MBNL2: variants seen among roughly 807,000 people sequenced by gnomAD.
MBNL2 encodes the protein muscleblind like splicing regulator 2, also known as muscleblind-like protein 2.
A neutral mutation model predicts 41.9 loss-of-function variants in MBNL2; 17 were observed. The observed-to-expected ratio is 0.41, with a 90% CI of 0.28 to 0.61. The LOEUF is 0.61. Among genes scored for constraint, MBNL2 ranks in the 20% least tolerant of loss-of-function variants. MBNL2 has a pLI of 0.35. For missense variants in MBNL2, 336 were observed against 505.6 expected (o/e 0.66, Z 3.22); for synonymous variants, 195 against 182.9 (o/e 1.07, Z -0.53).
chr13:97,219,090 G>GCTCTAACC (rs2040650574), upstream of MBNL2, among the ~76,000 whole-genome samples: 1 of 152,182 alleles, frequency 6.6e-6, no homozygotes, highest in African/African-American at 2.4e-5. Context: ...AGTGTCACCT[G>GCTCTAACC]GGAGCTTGTT....
chr13:97,263,079 G>A lies in MBNL2; in HGVS notation c.-604-12553G>A, dbSNP rs952907148. On this transcript the variant is annotated intron_variant, in intron 1 of 8. Transcript: ENST00000679496. ...TGGGATTACAGGCTTGAGCTGCCAC[G>A]CTCGACCTTGAAGTCCGTTTTGATC... 6.6e-5 allele frequency among the ~76,000 whole-genome samples: 10 copies of A among 152,000 alleles called. No individual in the cohort carries two copies. The East Asian group carries it at 1.3e-3, about 21-fold the overall frequency.
intron 2 of MBNL2, among the ~76,000 whole-genome samples, chr13:97,295,581 G>T (rs1421525393): frequency 6.6e-6 from 1 of 152,108 alleles, no homozygotes; most frequent in Non-Finnish European, 1.5e-5. Flanking sequence ...CATATCAAAA[G>T]GGTGTTGAGC....
chr13:97,319,224 C>T (rs1268982491), intron 2 of MBNL2, among the ~76,000 whole-genome samples: 7 of 148,778 alleles, frequency 4.7e-5, no homozygotes, highest in East Asian at 4.1e-4. Context: ...GGACACCCGG[C>T]GGGTGTTAGG....
intron 2 of MBNL2, among the ~76,000 whole-genome samples, chr13:97,285,376 C>T (rs2054219906): frequency 6.6e-6 from 1 of 152,190 alleles, no homozygotes; most frequent in South Asian, 2.1e-4. Context: ...ACTCAGCTCT[C>T]TGTGTTGGAG....
the MBNL2 span, among the ~76,000 whole-genome samples, chr13:97,168,776 T>C: frequency 6.6e-6 from 1 of 152,246 alleles, no homozygotes; most frequent in African/African-American, 2.4e-5. Flanking sequence ...GCAGTGTTTT[T>C]TCAAGGACTG....
chr13:97,298,139 G>T (rs916649309), intron 2 of MBNL2, among the ~76,000 whole-genome samples: 3 of 151,386 alleles, frequency 2.0e-5, no homozygotes, highest in Admixed American at 2.0e-4. Context: ...TAACTAACCT[G>T]CACATTGTGC....
At position 97,375,852 on chromosome 13, in the gene MBNL2, AAAG is replaced by A. The variant is rs2064916443; in HGVS notation, c.1048+10686_1048+10688del. On this transcript the variant is annotated intron_variant, in intron 8 of 8. Transcript: ENST00000679496. ...GAACAGCTGTGATTGTGTCAGATCT[AAAG>A]AAGAGGGGACACTGTGGCTTATGTG... 2.6e-5 allele frequency among the ~76,000 whole-genome samples: 4 copies of A among 152,168 alleles called. No individual in the cohort carries two copies. In the South Asian group the frequency reaches 8.3e-4, roughly 32 times the overall value.
chr13:97,176,527 C>T, the MBNL2 span, among the ~76,000 whole-genome samples: 11 of 152,064 alleles, frequency 7.2e-5, no homozygotes, highest in Non-Finnish European at 1.3e-4. Flanking sequence ...AAAGCCTCTC[C>T]GGAGCATTAT....
the MBNL2 span, among the ~76,000 whole-genome samples, chr13:97,145,427 G>A: frequency 6.6e-6 from 1 of 152,198 alleles, no homozygotes; most frequent in Non-Finnish European, 1.5e-5. Flanking sequence ...AAAAGGGACT[G>A]TAAGAGGCAA....
intron 2 of MBNL2, among the ~76,000 whole-genome samples, chr13:97,306,091 A>G (rs2058094717): frequency 6.6e-6 from 1 of 152,196 alleles, no homozygotes; most frequent in Non-Finnish European, 1.5e-5. Flanking sequence ...CACAGGGGAA[A>G]GGTGGAGAAA....
intron 2 of MBNL2, among the ~76,000 whole-genome samples, chr13:97,305,576 C>T (rs1267082183): frequency 2.0e-5 from 3 of 151,166 alleles, no homozygotes; most frequent in African/African-American, 7.3e-5. Flanking sequence ...CCAGCCTGGG[C>T]AACATGGTGA....
intron 8 of MBNL2, among the ~76,000 whole-genome samples, chr13:97,370,886 C>CA (rs917560200): frequency 7.9e-5 from 12 of 151,468 alleles, no homozygotes; most frequent in African/African-American, 2.9e-4. Context: ...AGCTTGTTAA[C>CA]AAAAAAAATT....
chr13:97,339,876 G>GT (rs886390600), intron 3 of MBNL2, among the ~76,000 whole-genome samples: 6 of 148,522 alleles, frequency 4.0e-5, no homozygotes, highest in African/African-American at 1.5e-4. Context: ...TGTGTGGGCG[G>GT]GGGGGGCGTT....
At chr13:97,218,366 C>T (rs1318359027), upstream of MBNL2, among the ~76,000 whole-genome samples, 3 of 150,152 alleles carry the variant, frequency 2.0e-5, no homozygotes, top group East Asian at 4.0e-4. Context: ...GCCAAGATCG[C>T]GCCACTACAC....
chr13:97,328,314 C>A (rs537730076), intron 2 of MBNL2, among the ~76,000 whole-genome samples: 5 of 151,798 alleles, frequency 3.3e-5, no homozygotes, highest in African/African-American at 1.2e-4. Context: ...ATGTGGAATG[C>A]GAGGAATTTC....
At chr13:97,247,243 A>G (rs1426590901) in intron 1 of MBNL2, among the ~76,000 whole-genome samples, 1 of 152,234 alleles carries the variant, frequency 6.6e-6, no homozygotes, top group Non-Finnish European at 1.5e-5. Flanking sequence ...GATTGATTAA[A>G]AACTGCAATA....
At chr13:97,335,371 C>G (rs970792366) in intron 3 of MBNL2, among the ~76,000 whole-genome samples, 1 of 151,750 alleles carries the variant, frequency 6.6e-6, no homozygotes, top group African/African-American at 2.4e-5. Flanking sequence ...TATAAAAATC[C>G]CTTTATTGTA....
chr13:97,269,963 T>G (rs1346971836), intron 1 of MBNL2, among the ~76,000 whole-genome samples: 2 of 152,220 alleles, frequency 1.3e-5, no homozygotes, highest in African/African-American at 4.8e-5. Context: ...CAGAATACTT[T>G]TATATTTCCA....
chr13:97,280,303 T>G (rs987927436), intron 2 of MBNL2, among the ~76,000 whole-genome samples: 1 of 152,216 alleles, frequency 6.6e-6, no homozygotes, highest in African/African-American at 2.4e-5. Context: ...TAAATTAACT[T>G]TAATGCTTAT....
Sources: allele counts gnomAD v4.1 joint callset (sites outside exome capture counted in the v4.1 genomes callset), GRCh38; gene constraint gnomAD v4.1.1; transcripts MANE v1.5; gene names NCBI Gene and HGNC (gene_info 2026-07-23, HGNC 2026-07-21).